MTUS1: variants seen among roughly 807,000 people sequenced by gnomAD.
MTUS1 encodes the protein microtubule-associated tumor suppressor 1.
MTUS1 carries 109 observed loss-of-function variants against 120.8 expected under a neutral mutation model. That is an observed-to-expected ratio of 0.90 (90% confidence interval 0.77 to 1.06). The LOEUF (loss-of-function observed/expected upper bound fraction) is 1.06. MTUS1 is among the 50% of genes least tolerant of loss of function. The probability of loss-of-function intolerance (pLI) is 0.00; values close to 1 mark genes in which losing one functional copy is unlikely to be tolerated. For missense variants in MTUS1, 2,210 were observed against 1,486.3 expected (o/e 1.49, Z -8.01); for synonymous variants, 737 against 550.5 (o/e 1.34, Z -4.74).
At chr8:17,799,029 T>TC (rs1554551163) in intron 1 of MTUS1, among the ~76,000 whole-genome samples, 8 of 151,368 alleles carry the variant, frequency 5.3e-5, no homozygotes, top group East Asian at 3.9e-4. Flanking sequence ...TTTTTTTTTT[T>TC]CCCTTTAAGG....
chr8:17,727,051 C>T (rs1177172021), intron 3 of MTUS1, among the ~76,000 whole-genome samples: 1 of 152,134 alleles, frequency 6.6e-6, no homozygotes, highest in South Asian at 2.1e-4. Flanking sequence ...CCCCGGCAAC[C>T]AAATATCATT....
chr8:17,712,319 A>G (rs1416721625), intron 6 of MTUS1, among the ~76,000 whole-genome samples: 1 of 151,956 alleles, frequency 6.6e-6, no homozygotes, highest in Non-Finnish European at 1.5e-5. Flanking sequence ...GACCTTATCT[A>G]TCTAGAGAGA....
In MTUS1 at chr8:17,658,563, T is replaced by C. The variant is rs571552962; in HGVS notation, c.2906-2498A>G. 2.0e-5 allele frequency among the ~76,000 whole-genome samples: 3 copies of C among 152,334 alleles called. No homozygotes were observed. In the East Asian group the frequency reaches 5.8e-4, roughly 29 times the overall value. ...CTACTGTAACTGTCAGGGATACACA[T>C]GCTGTCCACATCCCCAGAGTACTCG... On this transcript the variant is annotated intron_variant, in intron 8 of 14. Coordinates refer to ENST00000693296, the MANE Select transcript of MTUS1 (RefSeq NM_001363059.2).
chr8:17,644,470 C>A lies in MTUS1; in HGVS notation c.*1456G>T, dbSNP rs1805421875. On this transcript the variant is annotated 3_prime_UTR_variant, in exon 15 of 15. Transcript: ENST00000693296. The stretch of plus-strand genomic sequence containing the variant: ...GGAGATAAAGCAACAGTTCTTCCTT[C>A]CACCTTTTCCAAAGTCTCAGGATTA... The A allele has an allele frequency of 6.6e-6, 1 of 152,606 alleles. No individual in the cohort carries two copies. The highest frequency in any genetic ancestry group is 1.5e-5 in the Non-Finnish European group (1 of 68,042). The allele number at this position is 152,606 out of a possible 1,614,324, so 9.5% of individuals were successfully genotyped here.
intron 3 of MTUS1, among the ~76,000 whole-genome samples, chr8:17,740,020 A>T (rs2131241169): frequency 6.6e-6 from 1 of 152,302 alleles, no homozygotes; most frequent in East Asian, 1.9e-4. Context: ...GGCCTGGCCA[A>T]CATGGTGAAA....
intron 8 of MTUS1, 107 bp from the exon 9 acceptor site, chr8:17,656,172 T>A: frequency 2.1e-6 from 2 of 967,636 alleles, no homozygotes; most frequent in Non-Finnish European, 3.2e-6. Flanking sequence ...CATACACCCA[T>A]GATGTCTTGG....
chr8:17,796,106 C>T (rs1243711477), intron 1 of MTUS1, among the ~76,000 whole-genome samples: 2 of 151,906 alleles, frequency 1.3e-5, no homozygotes, highest in African/African-American at 4.8e-5. Context: ...CCCACCACCA[C>T]ACCCAGCTAA....
intron 3 of MTUS1, among the ~76,000 whole-genome samples, chr8:17,735,392 C>T (rs1007453206): frequency 6.6e-6 from 1 of 152,188 alleles, no homozygotes; most frequent in African/African-American, 2.4e-5. Flanking sequence ...AACATGCATT[C>T]TACTATCCGT....
Position 17,723,796 on chromosome 8 carries a change from C to G in MTUS1, c.2325G>C (p.Trp775Cys), listed in dbSNP as rs372276598. 1.6e-5 allele frequency: 26 copies of G among 1,604,120 alleles called. 2 individuals carry two copies. The highest frequency in any genetic ancestry group is 2.2e-5 in the Non-Finnish European group (26 of 1,174,962). Residue 775 changes from tryptophan to cysteine, a missense_variant, in exon 4 of 15, where the codon TGG (tryptophan) becomes TGC (cysteine). By Grantham distance (215) the Trp-to-Cys change is radical (BLOSUM62 -2). Transcript: ENST00000693296. ...TAGGAAGTGGTCTAGGCAAATTCACCCATGACGACTGTGCAGTTTTCAAGG... is the reference window on the plus strand; with the variant it reads ...TAGGAAGTGGTCTAGGCAAATTCACGCATGACGACTGTGCAGTTTTCAAGG... ...PTSLKTAQSS[W>C]VNLPRPLPKS...
At chr8:17,714,410 A>G (rs1000863159) in intron 5 of MTUS1, among the ~76,000 whole-genome samples, 2 of 152,216 alleles carry the variant, frequency 1.3e-5, no homozygotes, top group African/African-American at 4.8e-5. Flanking sequence ...TTAACAATCC[A>G]AAGAGTTTCA....
intron 12 of MTUS1, among the ~76,000 whole-genome samples, chr8:17,651,103 G>T (rs902671504): frequency 6.6e-6 from 1 of 151,972 alleles, no homozygotes; most frequent in Non-Finnish European, 1.5e-5. Context: ...TCCAGAGCTG[G>T]AAAGGGTCAG....
At chr8:17,717,671 G>C (rs1051057870) in intron 4 of MTUS1, among the ~76,000 whole-genome samples, 22 of 152,224 alleles carry the variant, frequency 1.4e-4, no homozygotes, top group African/African-American at 4.6e-4. Context: ...GGTTCACAAA[G>C]AGATCAGTAA....
intron 5 of MTUS1, 88 bp downstream of exon 5, chr8:17,715,679 T>C: frequency 7.6e-7 from 1 of 1,321,144 alleles, no homozygotes; most frequent in Non-Finnish European, 1.0e-6. Flanking sequence ...GACTATACCA[T>C]AAACCTAATT....
intron 5 of MTUS1, 90 bp downstream of exon 5, chr8:17,715,677 C>T (rs1375490673): frequency 3.9e-6 from 5 of 1,288,140 alleles, no homozygotes; most frequent in Non-Finnish European, 2.1e-6. Context: ...TTGACTATAC[C>T]ATAAACCTAA....
At chr8:17,798,005 G>A (rs1189209184) in intron 1 of MTUS1, among the ~76,000 whole-genome samples, 1 of 152,094 alleles carries the variant, frequency 6.6e-6, no homozygotes, top group Admixed American at 6.6e-5. Context: ...TACGTATGCA[G>A]TACATTTGTC....
chr8:17,755,394 A>G lies in MTUS1; in HGVS notation c.414T>C (p.Phe138=). 2 of 1,614,118 alleles carry G rather than the reference A, an allele frequency of 1.2e-6. No homozygotes were observed. Residue 138 remains phenylalanine (F), a synonymous_variant, in exon 2 of 15, where the codon TTT becomes TTC. Transcript: ENST00000693296. Reference sequence around the variant, plus strand: ...TCAAATTGTCATTAGGCTTCCACACAAAAGGCAAAGATGGCTCAACACTCT... The same window carrying G: ...TCAAATTGTCATTAGGCTTCCACACGAAAGGCAAAGATGGCTCAACACTCT... ...EGQSVEPSLP[F]VWKPNDNLNC...
chr8:17,718,118 G>C (rs540882027), intron 4 of MTUS1, among the ~76,000 whole-genome samples: 40 of 152,024 alleles, frequency 2.6e-4, no homozygotes, highest in Non-Finnish European at 5.6e-4. Flanking sequence ...CTGTACTCTA[G>C]GCTGGCCCAC....
At chr8:17,666,374 A>T (rs553917858) in intron 8 of MTUS1, among the ~76,000 whole-genome samples, 21 of 152,254 alleles carry the variant, frequency 1.4e-4, no homozygotes, top group African/African-American at 4.8e-4. Context: ...GAGGGTCAAA[A>T]AGGCTGCTAA....
In MTUS1 at chr8:17,723,800, G is replaced by A; in HGVS notation, c.2321C>T (p.Ser774Leu). ...AAGTGGTCTAGGCAAATTCACCCATGACGACTGTGCAGTTTTCAAGGATGT... is the reference window on the plus strand; with the variant it reads ...AAGTGGTCTAGGCAAATTCACCCATAACGACTGTGCAGTTTTCAAGGATGT... The part of the protein sequence containing the change: ...KPTSLKTAQS[S>L]WVNLPRPLPK... Residue 774 changes from serine (S) to leucine (L), a missense_variant, in exon 4 of 15, where the codon TCA (serine) becomes TTA (leucine). Transcript: ENST00000693296. 6.2e-7 allele frequency: 1 copy of A among 1,605,140 alleles called. No homozygotes were observed.
Sources: gnomAD v4.1 joint callset for allele counts (sites outside exome capture counted in the v4.1 genomes callset) on GRCh38, gnomAD v4.1.1 for gene constraint, MANE v1.5 for transcripts, NCBI Gene and HGNC (gene_info 2026-07-23, HGNC 2026-07-21) for gene names.